WDR17: variants seen among roughly 807,000 people sequenced by gnomAD.
WDR17 encodes the protein WD repeat-containing protein 17.
Under a neutral mutation model 161.7 loss-of-function variants are expected in WDR17, and 143 were observed. The ratio of observed to expected loss-of-function variants is 0.88; its 90% CI spans 0.77 to 1.02. The LOEUF is 1.02. WDR17 is among the 50% of genes least tolerant of loss of function. The pLI is 0.00. For missense variants in WDR17, 1,469 were observed against 1,520.9 expected (o/e 0.97, Z 0.57); for synonymous variants, 517 against 515.6 (o/e 1.00, Z -0.04).
Position 176,139,888 on chromosome 4 carries a change from GA to G in WDR17, c.1360-2del. On this transcript the variant is annotated splice_region_variant and splice_polypyrimidine_tract_variant and intron_variant, in intron 9 of 28. Coordinates refer to ENST00000508596, the MANE Select transcript of WDR17 (RefSeq NM_181265.4). ...TATTGATAGGTATTTTACATTTTTTGAAGCATGGAACAAATGGAATATTCTG... is the reference window on the plus strand; with the variant it reads ...TATTGATAGGTATTTTACATTTTTTGAGCATGGAACAAATGGAATATTCTG... 6.2e-7 allele frequency: 1 copy of G among 1,601,222 alleles called. No individual in the cohort carries two copies. The highest frequency in any genetic ancestry group is 1.8e-5 in the Admixed American group (1 of 56,972).
At chr4:176,117,321 T>C (rs1270499537) in intron 3 of WDR17, among the ~76,000 whole-genome samples, 1 of 152,020 alleles carries the variant, frequency 6.6e-6, no homozygotes, top group Non-Finnish European at 1.5e-5. Flanking sequence ...TGATTGATAA[T>C]GCATTTCCAA....
Position 176,066,535 on chromosome 4 carries a change from G to A in WDR17, c.-7+456G>A, listed in dbSNP as rs191935165. ...AGGAAATGCGTTCCAGAAAAAAGAC[G>A]GTATTGGATATAAGGCAGGTATACT... On this transcript the variant is annotated intron_variant, in intron 1 of 28. Coordinates refer to ENST00000508596, the MANE Select transcript of WDR17 (RefSeq NM_181265.4). 9.2e-5 allele frequency among the ~76,000 whole-genome samples: 14 copies of A among 152,162 alleles called. No individual in the cohort carries two copies. In the East Asian group the frequency reaches 2.3e-3, roughly 25 times the overall value.
intron 1 of WDR17, among the ~76,000 whole-genome samples, chr4:176,067,785 A>G (rs1366308451): frequency 6.6e-6 from 1 of 152,092 alleles, no homozygotes; most frequent in Non-Finnish European, 1.5e-5. Context: ...TTAGTCTGGG[A>G]AAGGAGGGAC....
chr4:176,102,916 C>A (rs528417625), intron 1 of WDR17, among the ~76,000 whole-genome samples: 1 of 152,308 alleles, frequency 6.6e-6, no homozygotes, highest in East Asian at 1.9e-4. Context: ...CCAGAAGTAT[C>A]TTGCAAGCAG....
intron 8 of WDR17, 88 bp from the exon 9 acceptor site, chr4:176,137,432 G>A: frequency 9.5e-7 from 1 of 1,056,326 alleles, no homozygotes. Flanking sequence ...GCAAATCACA[G>A]TTCTTACATT....
At chr4:176,176,151 G>C (rs1751428914) in intron 26 of WDR17, among the ~76,000 whole-genome samples, 1 of 152,016 alleles carries the variant, frequency 6.6e-6, no homozygotes, top group African/African-American at 2.4e-5. Context: ...TATATATAAT[G>C]ATAAAAGTAA....
At position 176,146,091 on chromosome 4, in the gene WDR17, A is replaced by T; in HGVS notation, c.1626A>T (p.Thr542=). Residue 542 remains threonine, a synonymous_variant, in exon 12 of 29, where the codon ACA becomes ACT. Transcript: ENST00000508596. Reference sequence around the variant, plus strand: ...CATTGAAAGTATTTAGTGGGCATACAGCAAAAGTGTTTCATGTTAAATGGT... The same window carrying T: ...CATTGAAAGTATTTAGTGGGCATACTGCAAAAGTGTTTCATGTTAAATGGT... ...DQPLKVFSGH[T]AKVFHVKWSP... 2 of 1,614,078 alleles carry T rather than the reference A, an allele frequency of 1.2e-6. No individual in the cohort carries two copies. Among genetic ancestry groups the T allele is most frequent in the Non-Finnish European group, 1.7e-6 (2 of 1,179,972 alleles).
intron 17 of WDR17, among the ~76,000 whole-genome samples, chr4:176,154,612 G>A (rs1400321421): frequency 6.6e-6 from 1 of 152,194 alleles, no homozygotes; most frequent in African/African-American, 2.4e-5. Context: ...TGAATTCAAA[G>A]TTAATTTAAT....
At chr4:176,123,055 G>A (rs1265807426) in intron 4 of WDR17, among the ~76,000 whole-genome samples, 1 of 152,142 alleles carries the variant, frequency 6.6e-6, no homozygotes, top group Non-Finnish European at 1.5e-5. Flanking sequence ...AACTGCTTTA[G>A]CTATCTCAAA....
rs1401222379 is a variant in WDR17, at chr4:176,177,391, A to G, written c.3549-80A>G. The G allele has an allele frequency of 6.9e-6, 9 of 1,304,076 alleles. No individual in the cohort carries two copies. The Admixed American group carries it at 2.2e-4, about 32-fold the overall frequency. The allele number at this position is 1,304,076 out of a possible 1,614,324, so 80.8% of individuals were successfully genotyped here. On this transcript the variant is annotated intron_variant, in intron 27 of 28. Transcript: ENST00000508596. ...ATCAATAAAGGGGAACTAAATAATC[A>G]TCAGGGATAATTTCTAATCTAAACA...
chr4:176,109,690 A>T (rs1419164323), intron 1 of WDR17, among the ~76,000 whole-genome samples: 1 of 152,236 alleles, frequency 6.6e-6, no homozygotes, highest in African/African-American at 2.4e-5. Flanking sequence ...GAGAAAATGT[A>T]ACCATTTAAA....
chr4:176,102,995 C>A (rs1316266749), intron 1 of WDR17, among the ~76,000 whole-genome samples: 1 of 152,144 alleles, frequency 6.6e-6, no homozygotes, highest in Non-Finnish European at 1.5e-5. Context: ...TGCTTCTGAT[C>A]ACAGAAGTGC....
intron 12 of WDR17, 142 bp from the exon 13 acceptor site, chr4:176,147,991 A>G: frequency 1.9e-6 from 1 of 516,532 alleles, no homozygotes; most frequent in East Asian, 3.4e-5. Flanking sequence ...TTTAAATTAA[A>G]ATGAAGAGAA....
chr4:176,179,437 T>TTTCCTCAAC lies in WDR17; in HGVS notation c.3733-21_3733-13dup, dbSNP rs769812806. On this transcript the variant is annotated intron_variant, in intron 28 of 28. Coordinates refer to ENST00000508596, the MANE Select transcript of WDR17 (RefSeq NM_181265.4). ...TGCAAATTTATAATCTCATCTTCTCTTTCCTCAACTCTCACTGTGCAGGGC... is the reference window on the plus strand; with the variant it reads ...TGCAAATTTATAATCTCATCTTCTCTTTCCTCAACTTCCTCAACTCTCACTGTGCAGGGC... 21 of 1,492,646 alleles carry TTTCCTCAAC rather than the reference T, an allele frequency of 1.4e-5. No homozygotes were observed. The East Asian group carries it at 4.8e-4, about 34-fold the overall frequency. 92.5% of individuals were successfully genotyped at this position (1,492,646 alleles called of 1,614,324 possible). A position where few individuals can be genotyped will look rare whatever the true frequency, so the allele number is the denominator to read the frequency against.
intron 23 of WDR17, among the ~76,000 whole-genome samples, chr4:176,169,767 T>C (rs1258504969): frequency 6.6e-6 from 1 of 152,220 alleles, no homozygotes; most frequent in Non-Finnish European, 1.5e-5. Context: ...GATATGTGTA[T>C]GTGAATGTGT....
At chr4:176,173,208 G>T (rs1269900560) in intron 24 of WDR17, 59 bp from the exon 25 acceptor site, 9 of 1,131,212 alleles carry the variant, frequency 8.0e-6, no homozygotes, top group Non-Finnish European at 1.0e-5. Context: ...GTTAAAAATG[G>T]ATGAATAAAT....
chr4:176,125,869 T>C (rs1258857852), intron 5 of WDR17, among the ~76,000 whole-genome samples: 2 of 152,174 alleles, frequency 1.3e-5, no homozygotes, highest in Non-Finnish European at 2.9e-5. Context: ...TAAACTAGTT[T>C]AGATTAGTTT....
chr4:176,075,961 C>T (rs1040980172), intron 1 of WDR17, among the ~76,000 whole-genome samples: 6 of 151,500 alleles, frequency 4.0e-5, no homozygotes, highest in East Asian at 1.9e-4. Flanking sequence ...AGTGTTGCAG[C>T]GAGACCCTGG....
chr4:176,175,643 C>T (rs1239270908), intron 26 of WDR17, among the ~76,000 whole-genome samples: 4 of 152,118 alleles, frequency 2.6e-5, no homozygotes, highest in African/African-American at 7.2e-5. Flanking sequence ...CTGCAACCTC[C>T]GCCTCCCAAG....
Sources: allele counts gnomAD v4.1 joint callset (sites outside exome capture counted in the v4.1 genomes callset), GRCh38; gene constraint gnomAD v4.1.1; transcripts MANE v1.5; gene names NCBI Gene and HGNC (gene_info 2026-07-23, HGNC 2026-07-21).